Variants in GPLD1 observed in about 807,000 individuals in gnomAD.
GPLD1 encodes phosphatidylinositol-glycan-specific phospholipase D.
A neutral mutation model predicts 112.6 loss-of-function variants in GPLD1; 84 were observed. The observed-to-expected ratio is 0.75, with a 90% confidence interval of 0.63 to 0.89. The LOEUF is 0.89. Ranked by LOEUF, GPLD1 falls within the 40% of genes least tolerant of loss-of-function variation. The probability of loss-of-function intolerance (pLI) is 0.00; values close to 1 mark genes in which losing one functional copy is unlikely to be tolerated. For synonymous variants in GPLD1, 386 were observed against 403.8 expected, an observed-to-expected ratio of 0.96 and a Z score of 0.53; for missense variants, 1,044 against 1,051.5, an observed-to-expected ratio of 0.99 and a Z score of 0.10.
rs193032214 is a variant in GPLD1 at position 24,465,434 on chromosome 6, C to T, written c.821+1246G>A. Among the ~76,000 whole-genome samples the T allele has an allele frequency of 2.7e-5, 4 of 149,546 alleles. No individual in the cohort carries two copies. In the Admixed American group the frequency reaches 2.7e-4, roughly 10 times the overall value. ...GTGTGAGCCTGTGGTCCCAGGTACT[C>T]GAGACTGAGGCACAAGAATCACTTG... On this transcript the variant is annotated intron_variant, in intron 10 of 24. Transcript: ENST00000230036.
chr6:24,442,755 A>AT (rs1342917150), intron 20 of GPLD1, among the ~76,000 whole-genome samples: 3 of 150,814 alleles, frequency 2.0e-5, no homozygotes, highest in African/African-American at 7.3e-5. Context: ...AATTTTTAAA[A>AT]TTTTTTGTAG....
intron 5 of GPLD1, among the ~76,000 whole-genome samples, chr6:24,474,757 T>A (rs1208231302): frequency 6.6e-6 from 1 of 152,092 alleles, no homozygotes; most frequent in African/African-American, 2.4e-5. Flanking sequence ...CTGGCCAACA[T>A]GGTGAGACCC....
At chr6:24,457,811 T>TGCAGTGAGCTGAGATCGTGCC (rs1237744014) in intron 12 of GPLD1, among the ~76,000 whole-genome samples, 21 of 150,984 alleles carry the variant, frequency 1.4e-4, no homozygotes. Context: ...AGATGGAGGT[T>TGCAGTGAGCTGAGATCGTGCC]GCAGTGAGCT....
chr6:24,445,415 T>G, intron 20 of GPLD1, 131 bp downstream of exon 20: 2 of 640,694 alleles, frequency 3.1e-6, no homozygotes, highest in South Asian at 3.9e-5. Context: ...ACACAGAATG[T>G]TATTAATGAA....
At chr6:24,476,630 T>C (rs1474684721) in intron 3 of GPLD1, among the ~76,000 whole-genome samples, 6 of 152,182 alleles carry the variant, frequency 3.9e-5, no homozygotes, top group Non-Finnish European at 2.9e-5. Context: ...TTTGGTTTTG[T>C]TTATTTGTTG....
upstream of GPLD1, among the ~76,000 whole-genome samples, chr6:24,491,768 G>A (rs918741147): frequency 4.6e-5 from 7 of 151,870 alleles, no homozygotes; most frequent in East Asian, 1.9e-4. Flanking sequence ...TTCTCATTAT[G>A]CATTTTTTTG....
At position 24,436,756 on chromosome 6, in the gene GPLD1, A is replaced by T. The variant is rs1173990984; in HGVS notation, c.2198-20T>A. ...TTTCATCTGAAAACAATAAAAACCG[A>T]CAGAAGGAAGTATTTGACTCCTCAC... On this transcript the variant is annotated intron_variant, in intron 21 of 24. Coordinates refer to ENST00000230036, the MANE Select transcript of GPLD1 (RefSeq NM_001503.4). 1.2e-6 allele frequency: 2 copies of T among 1,611,188 alleles called. No homozygotes were observed. Among genetic ancestry groups the T allele is most frequent in the East Asian group, 2.2e-5 (1 of 44,856 alleles).
At chr6:24,487,009 T>C (rs1764398992) in intron 1 of GPLD1, among the ~76,000 whole-genome samples, 1 of 152,042 alleles carries the variant, frequency 6.6e-6, no homozygotes, top group African/African-American at 2.4e-5. Context: ...ACAGCCTGAA[T>C]CTCCCAAGAA....
chr6:24,433,974 C>T (rs1762489570), intron 22 of GPLD1, among the ~76,000 whole-genome samples: 1 of 151,930 alleles, frequency 6.6e-6, no homozygotes, highest in Non-Finnish European at 1.5e-5. Flanking sequence ...ACAATGGTTG[C>T]CTGAATAATG....
intron 10 of GPLD1, among the ~76,000 whole-genome samples, chr6:24,464,561 A>C (rs1008380679): frequency 6.6e-6 from 1 of 152,248 alleles, no homozygotes; most frequent in African/African-American, 2.4e-5. Flanking sequence ...GTTTCAAATC[A>C]ACACAATATA....
At chr6:24,464,636 T>A (rs368108671) in intron 10 of GPLD1, among the ~76,000 whole-genome samples, 160 of 152,328 alleles carry the variant, frequency 1.1e-3, no homozygotes, top group African/African-American at 3.6e-3. Context: ...TATCACCCAG[T>A]ATAATATTCT....
chr6:24,476,810 G>A (rs1764034329), intron 3 of GPLD1, among the ~76,000 whole-genome samples: 1 of 152,166 alleles, frequency 6.6e-6, no homozygotes, highest in Non-Finnish European at 1.5e-5. Flanking sequence ...GTGGGCCAGT[G>A]CGTGTCCCAT....
intron 15 of GPLD1, 41 bp from the exon 16 acceptor site, chr6:24,448,249 G>A (rs1239518533): frequency 1.5e-6 from 2 of 1,347,730 alleles, no homozygotes; most frequent in Non-Finnish European, 2.1e-6. Context: ...AGGCTCTGGT[G>A]GTGACCCAAG....
At chr6:24,483,401 A>T (rs1764266134) in intron 2 of GPLD1, among the ~76,000 whole-genome samples, 1 of 150,900 alleles carries the variant, frequency 6.6e-6, no homozygotes. Context: ...CAGAAAGGCC[A>T]GGTGCAGTGG....
rs760906 is a variant in GPLD1 at position 24,479,617 on chromosome 6, T to G, written c.232+264A>C. 7.9e-5 allele frequency among the ~76,000 whole-genome samples: 12 copies of G among 152,040 alleles called. No homozygotes were observed. The South Asian group carries it at 2.3e-3, about 29-fold the overall frequency. ...CTCTTGCAAAATGTCTTCTATCATGTCACTTAGGTTTTCACCAAAAAATAG... is the reference window on the plus strand; with the variant it reads ...CTCTTGCAAAATGTCTTCTATCATGGCACTTAGGTTTTCACCAAAAAATAG... On this transcript the variant is annotated intron_variant, in intron 3 of 24. Coordinates refer to ENST00000230036, the MANE Select transcript of GPLD1 (RefSeq NM_001503.4).
chr6:24,458,052 C>CA (rs1763323870), intron 12 of GPLD1, among the ~76,000 whole-genome samples: 1 of 151,294 alleles, frequency 6.6e-6, no homozygotes, highest in Non-Finnish European at 1.5e-5. Flanking sequence ...ACTGCAGAGA[C>CA]AAAAAACACA....
At chr6:24,486,683 T>TTACA (rs1764387502) in intron 1 of GPLD1, among the ~76,000 whole-genome samples, 2 of 152,034 alleles carry the variant, frequency 1.3e-5, no homozygotes, top group African/African-American at 4.8e-5. Context: ...CCAGGCATGG[T>TTACA]GGCGCATGCC....
chr6:24,486,888 A>G (rs535290969), intron 1 of GPLD1, among the ~76,000 whole-genome samples: 1 of 152,252 alleles, frequency 6.6e-6, no homozygotes, highest in South Asian at 2.1e-4. Flanking sequence ...ACAAAATACA[A>G]TATAACACCT....
chr6:24,465,184 A>T (rs1261852558), intron 10 of GPLD1, among the ~76,000 whole-genome samples: 1 of 138,538 alleles, frequency 7.2e-6, no homozygotes, highest in Non-Finnish European at 1.6e-5. Context: ...GCAACAGAGC[A>T]AGACTCTGTC....
Sources: gnomAD v4.1 joint callset for allele counts (sites outside exome capture counted in the v4.1 genomes callset) on GRCh38, gnomAD v4.1.1 for gene constraint, MANE v1.5 for transcripts, NCBI Gene and HGNC (gene_info 2026-07-23, HGNC 2026-07-21) for gene names.